Variants in USP13 observed in about 807,000 individuals in gnomAD.
USP13 encodes ubiquitin specific peptidase 13, also known as ubiquitin carboxyl-terminal hydrolase 13.
USP13 carries 68 observed loss-of-function variants against 107.8 expected under a neutral mutation model. That is an observed-to-expected ratio of 0.63 (90% confidence interval 0.52 to 0.77). USP13 has a LOEUF of 0.77. Among genes scored for constraint, USP13 ranks in the 30% least tolerant of loss-of-function variants. The pLI is 0.00. For synonymous variants in USP13, 377 were observed against 389.5 expected, an observed-to-expected ratio of 0.97 and a Z score of 0.38; for missense variants, 945 against 1,093.3, an observed-to-expected ratio of 0.86 and a Z score of 1.91.
At chr3:179,774,089 G>A (rs1167235227) in intron 19 of USP13, among the ~76,000 whole-genome samples, 1 of 152,182 alleles carries the variant, frequency 6.6e-6, no homozygotes, top group Non-Finnish European at 1.5e-5. Flanking sequence ...GCCTTAGGAA[G>A]CTTTCAGTCA....
chr3:179,661,487 G>A (rs536998054), intron 1 of USP13, among the ~76,000 whole-genome samples: 36 of 151,590 alleles, frequency 2.4e-4, no homozygotes, highest in African/African-American at 8.5e-4. Flanking sequence ...TCTCTGAACT[G>A]TGAGTTTCAT....
At chr3:179,760,505 G>T (rs1000625871) in intron 16 of USP13, among the ~76,000 whole-genome samples, 1 of 151,598 alleles carries the variant, frequency 6.6e-6, no homozygotes, top group African/African-American at 2.4e-5. Context: ...GGATGGTCTC[G>T]ATCTCCTGAC....
At chr3:179,743,611 G>A (rs1213243879) in intron 12 of USP13, among the ~76,000 whole-genome samples, 1 of 152,092 alleles carries the variant, frequency 6.6e-6, no homozygotes, top group African/African-American at 2.4e-5. Context: ...TCTGCTGTTT[G>A]TTTCCTTGTT....
chr3:179,733,454 G>C (rs1319608167), intron 10 of USP13, among the ~76,000 whole-genome samples: 1 of 152,204 alleles, frequency 6.6e-6, no homozygotes, highest in African/African-American at 2.4e-5. Flanking sequence ...TTCCTTGACA[G>C]TAGAAGGAAT....
intron 1 of USP13, among the ~76,000 whole-genome samples, chr3:179,664,671 C>T (rs138977379): frequency 8.1e-4 from 123 of 152,240 alleles, no homozygotes; most frequent in African/African-American, 2.8e-3. Context: ...AACAGGAACA[C>T]CTATTTTTAG....
chr3:179,730,424 A>G lies in USP13; in HGVS notation c.1160+164A>G, dbSNP rs143615780. ...CTTTTATAAGAAGATAAAGTTATCT[A>G]CAAAGGACTGAAGAAAATTTGAAAC... On this transcript the variant is annotated intron_variant, in intron 9 of 20. Transcript: ENST00000263966. Among the ~76,000 whole-genome samples, 162 of 152,382 alleles carry G rather than the reference A, an allele frequency of 1.1e-3. 1 individual carries two copies. Among genetic ancestry groups the G allele is most frequent in the Non-Finnish European group, 1.6e-3 (106 of 68,038 alleles).
At chr3:179,694,477 A>G (rs1712215985) in intron 3 of USP13, among the ~76,000 whole-genome samples, 2 of 152,022 alleles carry the variant, frequency 1.3e-5, no homozygotes, top group African/African-American at 2.4e-5. Context: ...TGGAACTCCA[A>G]CCATCACATC....
intron 19 of USP13, among the ~76,000 whole-genome samples, chr3:179,771,765 C>G (rs144041099): frequency 1.1e-4 from 17 of 152,288 alleles, no homozygotes; most frequent in African/African-American, 4.1e-4. Context: ...TAAAGAAGTA[C>G]AGGTATCAAA....
intron 1 of USP13, among the ~76,000 whole-genome samples, chr3:179,665,546 G>A (rs181194103): frequency 7.4e-4 from 113 of 152,288 alleles, no homozygotes; most frequent in Admixed American, 2.4e-3. Flanking sequence ...AAGCCCTGAT[G>A]AGTCATGAAG....
chr3:179,785,632 CAG>C lies in USP13; in HGVS notation c.*1493_*1494del, dbSNP rs1352677247. 2.0e-5 allele frequency: 3 copies of C among 152,142 alleles called. No homozygotes were observed. Among genetic ancestry groups the C allele is most frequent in the Non-Finnish European group, 4.4e-5 (3 of 68,016 alleles). 9.4% of individuals were successfully genotyped at this position (152,142 alleles called of 1,614,324 possible). On this transcript the variant is annotated 3_prime_UTR_variant, in exon 21 of 21. Coordinates refer to ENST00000263966, the MANE Select transcript of USP13 (RefSeq NM_003940.3). ...TTTTTAGAAACTGTAGGAAAATAAA[CAG>C]AACCAACCAGGTGAAACAAAGCACA...
chr3:179,735,873 A>G (rs1158702985), intron 10 of USP13, among the ~76,000 whole-genome samples: 2 of 152,160 alleles, frequency 1.3e-5, no homozygotes, highest in African/African-American at 2.4e-5. Flanking sequence ...GTCTCTAGAA[A>G]AAATAATAAT....
chr3:179,773,759 G>A (rs774126875), intron 19 of USP13, among the ~76,000 whole-genome samples: 7 of 152,184 alleles, frequency 4.6e-5, no homozygotes, highest in Non-Finnish European at 7.3e-5. Context: ...TTAAAAATTA[G>A]TCAGTGTCTG....
At chr3:179,697,195 A>T (rs1409211401) in intron 3 of USP13, among the ~76,000 whole-genome samples, 1 of 152,198 alleles carries the variant, frequency 6.6e-6, no homozygotes, top group African/African-American at 2.4e-5. Flanking sequence ...ATTTGTGCAA[A>T]GTTTCGCTAA....
intron 9 of USP13, 74 bp downstream of exon 9, chr3:179,730,334 G>C: frequency 6.8e-7 from 1 of 1,463,992 alleles, no homozygotes; most frequent in East Asian, 2.3e-5. Context: ...ATATCTCTGG[G>C]TTGCAAAATT....
At chr3:179,711,803 A>G (rs1408074130) in intron 6 of USP13, among the ~76,000 whole-genome samples, 1 of 152,206 alleles carries the variant, frequency 6.6e-6, no homozygotes, top group East Asian at 1.9e-4. Flanking sequence ...TTTTTCGTAT[A>G]TAAGTAAAAT....
chr3:179,742,311 A>G lies in USP13; in HGVS notation c.1495A>G (p.Met499Val), dbSNP rs770192832. ...VRYTERVDYL[M>V]QLPVAMEAAT... is the part of the protein sequence containing the mutation. ...CTACACGGAGAGGGTGGATTACCTG[A>G]TGCAGTTACCTGTGGCCATGGAGGC... Residue 499 changes from methionine to valine, a missense_variant, in exon 12 of 21, where the codon ATG (methionine) becomes GTG (valine). Physicochemically the swap from Met to Val is conservative, Grantham distance 21. Coordinates refer to ENST00000263966, the MANE Select transcript of USP13 (RefSeq NM_003940.3). The surrounding 1 kb of genome is among the most constrained non-coding windows in gnomAD (Gnocchi z 5.0). 6.2e-7 allele frequency: 1 copy of G among 1,614,196 alleles called. No homozygotes were observed. Among genetic ancestry groups the G allele is most frequent in the Admixed American group, 1.7e-5 (1 of 60,020 alleles).
intron 14 of USP13, among the ~76,000 whole-genome samples, chr3:179,752,781 A>G (rs553329864): frequency 3.9e-5 from 6 of 152,252 alleles, no homozygotes; most frequent in Non-Finnish European, 8.8e-5. Context: ...CTGCTGGCCC[A>G]CAGGCCACAC....
chr3:179,656,391 AG>A (rs778306878), intron 1 of USP13, among the ~76,000 whole-genome samples: 67 of 152,356 alleles, frequency 4.4e-4, no homozygotes, highest in Non-Finnish European at 7.4e-4. Context: ...ACAAATTCAC[AG>A]TGTACCTACC....
intron 10 of USP13, among the ~76,000 whole-genome samples, chr3:179,734,086 T>C (rs1409337400): frequency 6.6e-6 from 1 of 152,230 alleles, no homozygotes; most frequent in Admixed American, 6.5e-5. Flanking sequence ...CACTGGCGTC[T>C]TCCAAGTTGA....
Sources: gnomAD v4.1 joint callset for allele counts (sites outside exome capture counted in the v4.1 genomes callset) on GRCh38, gnomAD v4.1.1 for gene constraint, Gnocchi (gnomAD v3.1) non-coding constraint, MANE v1.5 for transcripts, NCBI Gene and HGNC (gene_info 2026-07-23, HGNC 2026-07-21) for gene names.